Variants in SUPT16H observed in about 807,000 individuals in gnomAD.
SUPT16H encodes the protein SPT16 homolog, facilitates chromatin remodeling subunit, also known as FACT complex subunit SPT16.
SUPT16H carries 24 observed loss-of-function variants against 136.2 expected under a neutral mutation model. The ratio of observed to expected loss-of-function variants is 0.18; its 90% CI spans 0.13 to 0.25. SUPT16H has a LOEUF of 0.25. Among genes scored for constraint, SUPT16H ranks in the 10% least tolerant of loss-of-function variants. The probability of loss-of-function intolerance (pLI) is 1.00; values close to 1 mark genes in which losing one functional copy is unlikely to be tolerated. For synonymous variants in SUPT16H, 415 were observed against 428.2 expected, an observed-to-expected ratio of 0.97 and a Z score of 0.38; for missense variants, 623 against 1,270.2, an observed-to-expected ratio of 0.49 and a Z score of 7.74.
Position 21,352,501 on chromosome 14 carries a change from T to C in SUPT16H, c.*172A>G. 1 of 1,040,260 alleles carries C rather than the reference T, an allele frequency of 9.6e-7. No homozygotes were observed. 64.4% of individuals were successfully genotyped at this position (1,040,260 alleles called of 1,614,324 possible). ...ATGGGGCCATTGGCACGTGTCCTGGTGGGCCTGGAATTCCCCGAGTAGATT... is the reference window on the plus strand; with the variant it reads ...ATGGGGCCATTGGCACGTGTCCTGGCGGGCCTGGAATTCCCCGAGTAGATT... On this transcript the variant is annotated 3_prime_UTR_variant, in exon 26 of 26. Coordinates refer to ENST00000216297, the MANE Select transcript of SUPT16H (RefSeq NM_007192.4).
intron 8 of SUPT16H, among the ~76,000 whole-genome samples, chr14:21,365,997 G>C (rs1447945436): frequency 6.6e-6 from 1 of 152,152 alleles, no homozygotes; most frequent in East Asian, 1.9e-4. Context: ...AGTTATTGGG[G>C]GAGCTGAGAT....
intron 12 of SUPT16H, 32 bp downstream of exon 12, chr14:21,363,201 G>A (rs763110258): frequency 4.4e-5 from 71 of 1,613,836 alleles, no homozygotes; most frequent in Non-Finnish European, 5.4e-5. Flanking sequence ...TATGACAGCC[G>A]AGATCAATGT....
In SUPT16H at chr14:21,352,813, G is replaced by A. The variant is rs756151775; in HGVS notation, c.3004C>T (p.Arg1002Ter). Residue 1002 changes from arginine to a stop codon, truncating the protein, a stop_gained, in exon 26 of 26, where the codon CGA (arginine) becomes TGA (stop). Transcript: ENST00000216297. LOFTEE classifies it high-confidence loss of function. Reference protein sequence around the residue: ...ELEEEARKADRESRYEEEEEQ... With the variant: ...ELEEEARKAD ...TCTTCTTCCTCGTAACGACTTTCTCGGTCCGCTAAATAGAAGAGGCATTAT... is the reference window on the plus strand; with the variant it reads ...TCTTCTTCCTCGTAACGACTTTCTCAGTCCGCTAAATAGAAGAGGCATTAT... The A allele has an allele frequency of 1.2e-6, 2 of 1,613,876 alleles. No individual in the cohort carries two copies. The highest frequency in any genetic ancestry group is 1.7e-6 in the Non-Finnish European group (2 of 1,179,974).
chr14:21,363,266 A>C lies in SUPT16H; in HGVS notation c.1362T>G (p.Gly454=). 1 of 1,613,936 alleles carries C rather than the reference A, an allele frequency of 6.2e-7. No homozygotes were observed. Among genetic ancestry groups the C allele is most frequent in the African/African-American group, 1.3e-5 (1 of 75,010 alleles). ...KDEAEDLLGR[G]SRAALLTERT... ...TTTCTGTAAGTAATGCTGCCCGAGAACCTCTTCCCAAAAGGTCCTCTGCCT... is the reference window on the plus strand; with the variant it reads ...TTTCTGTAAGTAATGCTGCCCGAGACCCTCTTCCCAAAAGGTCCTCTGCCT... Residue 454 remains glycine, a synonymous_variant, in exon 12 of 26, where the codon GGT becomes GGG. Coordinates refer to ENST00000216297, the MANE Select transcript of SUPT16H (RefSeq NM_007192.4).
At chr14:21,352,945 C>G (rs529785432) in intron 25 of SUPT16H, 127 bp from the exon 26 acceptor site, 65 of 1,232,228 alleles carry the variant, frequency 5.3e-5, no homozygotes, top group Admixed American at 8.6e-5. Flanking sequence ...TGGGCAAGTA[C>G]TTTCTGAACC....
At chr14:21,372,729 GA>G in intron 2 of SUPT16H, 1 of 431,700 alleles carries the variant, frequency 2.3e-6, no homozygotes, top group South Asian at 1.7e-5. Flanking sequence ...TATACATAAG[GA>G]AAAGAATATT....
chr14:21,383,780 G>C (rs546514186), intron 1 of SUPT16H, 82 bp downstream of exon 1: 2 of 1,523,352 alleles, frequency 1.3e-6, no homozygotes, highest in Non-Finnish European at 1.8e-6. Context: ...CTGACCGAAA[G>C]AGAAAAAAGG....
chr14:21,382,808 TTTTCAATTATCTAATGTA>T, intron 1 of SUPT16H, among the ~76,000 whole-genome samples: 1 of 152,348 alleles, frequency 6.6e-6, no homozygotes, highest in African/African-American at 2.4e-5. Flanking sequence ...ATCAATTTTA[TTTTCAATTATCTAATGTA>T]TTTAGCCCCA....
chr14:21,368,270 A>G lies in SUPT16H; in HGVS notation c.954T>C (p.His318=), dbSNP rs1464774104. 1 of 1,609,528 alleles carries G rather than the reference A, an allele frequency of 6.2e-7. No homozygotes were observed. The highest frequency in any genetic ancestry group is 1.1e-5 in the South Asian group (1 of 90,324). The part of the protein sequence containing the change: ...LQEELLKELR[H]GVKICDVYNA... ...ACCTCCTTTTCTAAGGCACCTCACC[A>G]TGTCTTAATTCCTTCAGCAGCTCCT... The change falls in exon 7 of 26, where the codon CAT becomes CAC. Residue 318 remains histidine (H), a splice_region_variant and synonymous_variant. Transcript: ENST00000216297.
At chr14:21,383,585 T>A (rs555997398) in intron 1 of SUPT16H, 6 of 698,214 alleles carry the variant, frequency 8.6e-6, no homozygotes, top group Admixed American at 2.0e-5. Context: ...TTGCCTCTTC[T>A]AGGGCGGGAA....
At chr14:21,360,620 T>G in intron 17 of SUPT16H, 87 bp from the exon 18 acceptor site, 1 of 1,301,240 alleles carries the variant, frequency 7.7e-7, no homozygotes, top group Non-Finnish European at 1.1e-6. Context: ...TTGCACAGGG[T>G]CAGAGGAAAC....
In SUPT16H at chr14:21,356,966, G is replaced by T. The variant is rs77286951; in HGVS notation, c.2660+231C>A. ...AACACTGAAAACAAAAAAGATCTTA[G>T]ATTTTGATTTTCTTTGTGTTAAGTA... On this transcript the variant is annotated intron_variant, in intron 22 of 25. Coordinates refer to ENST00000216297, the MANE Select transcript of SUPT16H (RefSeq NM_007192.4). Among the ~76,000 whole-genome samples, 892 of 152,246 alleles carry T rather than the reference G, an allele frequency of 5.9e-3. 3 individuals carry two copies. The highest frequency in any genetic ancestry group is 0.018 in the African/African-American group (768 of 41,534).
Position 21,383,862 on chromosome 14 carries a change from C to T in SUPT16H, c.66G>A (p.Arg22=), listed in dbSNP as rs1171680869. ...GGAAAAATTACAGGATCTTCCTCAC[C>T]CGCCAATTGCTGTACAGTCTCTTCA... ...RRVKRLYSNW[R]KGEDEYANVD... Residue 22 remains arginine (R), a splice_region_variant and synonymous_variant, in exon 1 of 26, where the codon CGG becomes CGA. Transcript: ENST00000216297. 6.2e-7 allele frequency: 1 copy of T among 1,613,818 alleles called. No homozygotes were observed. The highest frequency in any genetic ancestry group is 1.3e-5 in the African/African-American group (1 of 74,910).
chr14:21,356,884 T>C lies in SUPT16H; in HGVS notation c.2660+313A>G, dbSNP rs573664301. 5.0e-4 allele frequency among the ~76,000 whole-genome samples: 76 copies of C among 152,340 alleles called. No individual in the cohort carries two copies. In the South Asian group the frequency reaches 0.01, roughly 21 times the overall value. ...GGCTTGTGCCTGTAATCCTGGTACG[T>C]TGGGAGACCGACGTGGGAGGATCGC... On this transcript the variant is annotated intron_variant, in intron 22 of 25. Coordinates refer to ENST00000216297, the MANE Select transcript of SUPT16H (RefSeq NM_007192.4).
rs1886386044 is a variant in SUPT16H at position 21,354,512 on chromosome 14, C to T, written c.2689G>A (p.Val897Ile). The T allele has an allele frequency of 6.2e-7, 1 of 1,614,184 alleles. No homozygotes were observed. The highest frequency in any genetic ancestry group is 8.5e-7 in the Non-Finnish European group (1 of 1,180,008). Reference sequence around the variant, plus strand: ...ATTTTAGTCCAGTTGAGGGACTGTACTCCTTCTGTGTATTTCAGGTCGCAG... The same window carrying T: ...ATTTTAGTCCAGTTGAGGGACTGTATTCCTTCTGTGTATTTCAGGTCGCAG... ...NSCDLKYTEGVQSLNWTKIMK... is the reference protein window; with the variant it reads ...NSCDLKYTEGIQSLNWTKIMK... The change falls in exon 23 of 26, where the codon GTA becomes ATA. Residue 897 changes from valine (V) to isoleucine (I), a missense_variant. Transcript: ENST00000216297.
chr14:21,360,822 A>G, intron 17 of SUPT16H, 24 bp downstream of exon 17: 2 of 1,596,784 alleles, frequency 1.3e-6, no homozygotes, highest in South Asian at 1.1e-5. Context: ...GAGAAAGCCT[A>G]GGTACAGGAG....
rs911694889 is a variant in SUPT16H, at chr14:21,381,861, T to A, written c.66+2001A>T. Among the ~76,000 whole-genome samples, 3 of 151,378 alleles carry A rather than the reference T, an allele frequency of 2.0e-5. No individual in the cohort carries two copies. In the South Asian group the frequency reaches 6.3e-4, roughly 32 times the overall value. On this transcript the variant is annotated intron_variant, in intron 1 of 25. Transcript: ENST00000216297. ...GTCTTTAACTCCTGGCCTCATGTGCTGGGTACAGGCATGAGTCACGGTGCC... is the reference window on the plus strand; with the variant it reads ...GTCTTTAACTCCTGGCCTCATGTGCAGGGTACAGGCATGAGTCACGGTGCC...
At chr14:21,359,393 C>CTT in intron 19 of SUPT16H, 91 bp downstream of exon 19, 1 of 1,538,972 alleles carries the variant, frequency 6.5e-7, no homozygotes, top group Non-Finnish European at 8.8e-7. Flanking sequence ...ACCACGCCAG[C>CTT]CCAGTTTGTT....
At chr14:21,378,470 G>A (rs1304540680) in intron 1 of SUPT16H, among the ~76,000 whole-genome samples, 1 of 152,168 alleles carries the variant, frequency 6.6e-6, no homozygotes, top group Admixed American at 6.5e-5. Context: ...GTGGGGAAAA[G>A]TTATGAAGAA....
Sources: allele counts gnomAD v4.1 joint callset (sites outside exome capture counted in the v4.1 genomes callset), GRCh38; gene constraint gnomAD v4.1.1; transcripts MANE v1.5; gene names NCBI Gene and HGNC (gene_info 2026-07-23, HGNC 2026-07-21).